The following DNAJC3 variants were observed in gnomAD, a reference collection of about 807,000 sequenced individuals.
DNAJC3 encodes DnaJ heat shock protein family (Hsp40) member C3.
DNAJC3 carries 38 observed loss-of-function variants against 68.6 expected under a neutral mutation model. The observed-to-expected ratio is 0.55, with a 90% CI of 0.43 to 0.73. The LOEUF (loss-of-function observed/expected upper bound fraction) is 0.73, where lower values mean the gene tolerates loss of function less well. DNAJC3 is among the 30% of genes least tolerant of loss of function. DNAJC3 has a pLI of 0.00. For missense variants in DNAJC3, 526 were observed against 591.9 expected, an observed-to-expected ratio of 0.89 and a Z score of 1.16; for synonymous variants, 203 against 204.0, an observed-to-expected ratio of 1.00 and a Z score of 0.04.
intron 9 of DNAJC3, 147 bp downstream of exon 9, chr13:95,764,100 C>T: frequency 1.6e-6 from 2 of 1,271,600 alleles, no homozygotes; most frequent in South Asian, 3.1e-5. Flanking sequence ...TTGAAAATTA[C>T]TCTTCCATAG....
At chr13:95,755,554 C>T (rs1594008006) in intron 4 of DNAJC3, among the ~76,000 whole-genome samples, 1 of 151,574 alleles carries the variant, frequency 6.6e-6, no homozygotes, top group South Asian at 2.1e-4. Context: ...GTCAGGAGTT[C>T]GAGACCACCC....
At chr13:95,732,041 G>A (rs116442953) in intron 4 of DNAJC3, among the ~76,000 whole-genome samples, 248 of 151,916 alleles carry the variant, frequency 1.6e-3, no homozygotes, top group African/African-American at 5.4e-3. Flanking sequence ...CACCCAGCCG[G>A]TGTCTTACCT....
rs150860556 is a variant in DNAJC3, at chr13:95,766,836, G to T, written c.1075+2883G>T. 1.5e-4 allele frequency among the ~76,000 whole-genome samples: 23 copies of T among 152,096 alleles called. No individual in the cohort carries two copies. In the East Asian group the frequency reaches 3.9e-3, roughly 26 times the overall value. ...CTGCCTCAGCCTCCTGAGTAGCTGG[G>T]ATTACAGGAACTGTGCCACCATGCC... is the stretch of plus-strand genomic sequence containing the variant. On this transcript the variant is annotated intron_variant, in intron 9 of 11. Transcript: ENST00000602402.
At chr13:95,717,154 G>A (rs1222196786) in intron 2 of DNAJC3, among the ~76,000 whole-genome samples, 1 of 152,186 alleles carries the variant, frequency 6.6e-6, no homozygotes, top group African/African-American at 2.4e-5. Flanking sequence ...GGTATATCTG[G>A]CACGAACAAA....
Position 95,733,368 on chromosome 13 carries a change from C to T in DNAJC3, c.393+8116C>T, listed in dbSNP as rs192008451. On this transcript the variant is annotated intron_variant, in intron 4 of 11. Coordinates refer to ENST00000602402, the MANE Select transcript of DNAJC3 (RefSeq NM_006260.5). ...GTTATATCCTCTTGCTGAACTGATCCGTTTATTATTATATAATGACTTTTG... is the reference window on the plus strand; with the variant it reads ...GTTATATCCTCTTGCTGAACTGATCTGTTTATTATTATATAATGACTTTTG... Among the ~76,000 whole-genome samples the T allele has an allele frequency of 2.8e-3, 426 of 152,112 alleles. 3 individuals carry two copies. The highest frequency in any genetic ancestry group is 4.6e-3 in the Non-Finnish European group (311 of 67,994).
At chr13:95,762,118 C>T (rs17879826) in intron 7 of DNAJC3, among the ~76,000 whole-genome samples, 28 of 152,186 alleles carry the variant, frequency 1.8e-4, no homozygotes, top group Admixed American at 3.3e-4. Flanking sequence ...CAAAATTAGC[C>T]GGGCGTGGTG....
chr13:95,726,000 G>A (rs951983134), intron 4 of DNAJC3, among the ~76,000 whole-genome samples: 1 of 151,970 alleles, frequency 6.6e-6, no homozygotes, highest in African/African-American at 2.4e-5. Flanking sequence ...CAAAGGACAT[G>A]AACTCTTCAT....
chr13:95,759,770 G>A (rs1040540010), intron 5 of DNAJC3, among the ~76,000 whole-genome samples: 1 of 152,014 alleles, frequency 6.6e-6, no homozygotes, highest in Non-Finnish European at 1.5e-5. Context: ...TTATATAATC[G>A]AAGGAGGTAA....
chr13:95,727,833 C>G (rs558454147), intron 4 of DNAJC3, among the ~76,000 whole-genome samples: 2 of 152,300 alleles, frequency 1.3e-5, no homozygotes, highest in African/African-American at 4.8e-5. Context: ...AGTCAAGACA[C>G]TGACTTGGTA....
intron 1 of DNAJC3, among the ~76,000 whole-genome samples, chr13:95,689,442 T>C (rs1880168660): frequency 6.6e-6 from 1 of 152,062 alleles, no homozygotes; most frequent in South Asian, 2.1e-4. Flanking sequence ...GTATGAGTTG[T>C]CACCTTTCTC....
rs1474525412 is a variant in DNAJC3 at position 95,735,671 on chromosome 13, T to TG, written c.393+10420dup. On this transcript the variant is annotated intron_variant, in intron 4 of 11. Transcript: ENST00000602402. The stretch of plus-strand genomic sequence containing the variant: ...TCGCCCACTTTTTGATGGGGTTGTT[T>TG]GTTTTTTTCTTGTAAATTTGTTTGA... Among the ~76,000 whole-genome samples the TG allele has an allele frequency of 2.0e-5, 3 of 150,144 alleles. No individual in the cohort carries two copies. In the East Asian group the frequency reaches 5.9e-4, roughly 29 times the overall value.
intron 5 of DNAJC3, among the ~76,000 whole-genome samples, chr13:95,758,683 A>G (rs1319825769): frequency 6.6e-6 from 1 of 152,030 alleles, no homozygotes; most frequent in Non-Finnish European, 1.5e-5. Flanking sequence ...AGCTAGGGAA[A>G]CCTGAGTCTA....
chr13:95,752,099 T>C (rs1052279781), intron 4 of DNAJC3, among the ~76,000 whole-genome samples: 1 of 152,188 alleles, frequency 6.6e-6, no homozygotes, highest in Non-Finnish European at 1.5e-5. Flanking sequence ...ATTTTCCTGC[T>C]TCATTAGTTA....
intron 1 of DNAJC3, among the ~76,000 whole-genome samples, chr13:95,696,409 A>T (rs1423830168): frequency 1.3e-5 from 2 of 152,136 alleles, no homozygotes; most frequent in Non-Finnish European, 2.9e-5. Context: ...CTAAGATTGA[A>T]ACTAAGATTG....
At chr13:95,771,802 C>A (rs531317351) in intron 9 of DNAJC3, among the ~76,000 whole-genome samples, 10 of 152,026 alleles carry the variant, frequency 6.6e-5, no homozygotes, top group Non-Finnish European at 1.0e-4. Flanking sequence ...CCCACCCCCC[C>A]ACAGGCAACT....
intron 9 of DNAJC3, among the ~76,000 whole-genome samples, chr13:95,767,964 C>T (rs1169027488): frequency 2.0e-5 from 3 of 152,080 alleles, no homozygotes; most frequent in Non-Finnish European, 4.4e-5. Context: ...CTCAGCCTCC[C>T]AAAGTGATGG....
intron 4 of DNAJC3, among the ~76,000 whole-genome samples, chr13:95,757,102 G>T (rs1305451418): frequency 6.6e-6 from 1 of 152,044 alleles, no homozygotes; most frequent in Non-Finnish European, 1.5e-5. Flanking sequence ...CTTTTAGTAA[G>T]GTATTACTCT....
chr13:95,793,414 G>A lies in DNAJC3; in HGVS notation c.*2384G>A, dbSNP rs574397212. On this transcript the variant is annotated 3_prime_UTR_variant, in exon 12 of 12. Transcript: ENST00000602402. ...ATTCCCCCTGCCTGTCTCACTGTAG[G>A]GTAGCATTATCCACTGTAAAACCAT... 2 of 151,864 alleles carry A rather than the reference G, an allele frequency of 1.3e-5. No individual in the cohort carries two copies. Among genetic ancestry groups the A allele is most frequent in the African/African-American group, 4.8e-5 (2 of 41,356 alleles). 9.4% of individuals were successfully genotyped at this position (151,864 alleles called of 1,614,324 possible). A position where few individuals can be genotyped will look rare whatever the true frequency, so the allele number is the denominator to read the frequency against.
intron 1 of DNAJC3, among the ~76,000 whole-genome samples, chr13:95,678,361 T>C (rs1879823600): frequency 6.6e-6 from 1 of 152,168 alleles, no homozygotes; most frequent in African/African-American, 2.4e-5. Flanking sequence ...TTCTGAAAGT[T>C]CTCAACTTTT....
Sources: gnomAD v4.1 joint callset for allele counts (sites outside exome capture counted in the v4.1 genomes callset) on GRCh38, gnomAD v4.1.1 for gene constraint, MANE v1.5 for transcripts, NCBI Gene and HGNC (gene_info 2026-07-23, HGNC 2026-07-21) for gene names.